Variants in GALNTL6 observed in about 807,000 individuals in gnomAD.
GALNTL6 encodes the protein polypeptide N-acetylgalactosaminyltransferase like 6, also known as polypeptide N-acetylgalactosaminyltransferase-like 6.
Under a neutral mutation model 73.7 loss-of-function variants are expected in GALNTL6, and 46 were observed. The observed-to-expected ratio is 0.62, with a 90% confidence interval of 0.49 to 0.80. The LOEUF is 0.80. Among genes scored for constraint, GALNTL6 ranks in the 30% least tolerant of loss-of-function variants. The probability of loss-of-function intolerance (pLI) is 0.00; values close to 1 mark genes in which losing one functional copy is unlikely to be tolerated. For missense variants in GALNTL6, 604 were observed against 755.0 expected (o/e 0.80, Z 2.34); for synonymous variants, 259 against 263.7 (o/e 0.98, Z 0.17).
At chr4:172,877,496 A>G (rs1745249684) in intron 7 of GALNTL6, among the ~76,000 whole-genome samples, 1 of 152,046 alleles carries the variant, frequency 6.6e-6, no homozygotes, top group South Asian at 2.1e-4. Flanking sequence ...AAACATAAAG[A>G]ATGTTTTCCT....
intron 5 of GALNTL6, among the ~76,000 whole-genome samples, chr4:172,578,389 A>G (rs766188787): frequency 2.6e-5 from 4 of 152,214 alleles, no homozygotes; most frequent in Non-Finnish European, 4.4e-5. Context: ...TTTGTCTTCA[A>G]AGTCAGCTTA....
chr4:171,852,397 T>TA (rs1317404216), intron 2 of GALNTL6, among the ~76,000 whole-genome samples: 1 of 152,136 alleles, frequency 6.6e-6, no homozygotes, highest in African/African-American at 2.4e-5. Flanking sequence ...GTGCATTGCT[T>TA]AAAGAAACTT....
At chr4:172,759,197 G>C (rs1290096979) in intron 5 of GALNTL6, among the ~76,000 whole-genome samples, 2 of 152,194 alleles carry the variant, frequency 1.3e-5, no homozygotes, top group Non-Finnish European at 2.9e-5. Flanking sequence ...CCCTAGCCTA[G>C]ATTCACTCAG....
At chr4:172,224,732 G>A (rs913196071) in intron 2 of GALNTL6, among the ~76,000 whole-genome samples, 1 of 152,148 alleles carries the variant, frequency 6.6e-6, no homozygotes, top group Non-Finnish European at 1.5e-5. Context: ...TGTGAAGACT[G>A]TGTATCACAT....
intron 5 of GALNTL6, among the ~76,000 whole-genome samples, chr4:172,754,032 A>G (rs1045769147): frequency 1.3e-5 from 2 of 152,190 alleles, no homozygotes; most frequent in Non-Finnish European, 2.9e-5. Flanking sequence ...TACACAAAAG[A>G]AGGAGGAAAA....
chr4:172,356,473 C>A (rs1419819516), intron 5 of GALNTL6, among the ~76,000 whole-genome samples: 1 of 152,084 alleles, frequency 6.6e-6, no homozygotes, highest in Non-Finnish European at 1.5e-5. Context: ...AAAAAGAAAA[C>A]TTCACAAACA....
intron 5 of GALNTL6, among the ~76,000 whole-genome samples, chr4:172,729,778 G>A (rs1736040565): frequency 6.6e-6 from 1 of 152,088 alleles, no homozygotes; most frequent in Admixed American, 6.6e-5. Context: ...AATGTCATTG[G>A]TATTTTGATA....
At chr4:172,108,343 T>C (rs1251525551) in intron 2 of GALNTL6, among the ~76,000 whole-genome samples, 1 of 152,202 alleles carries the variant, frequency 6.6e-6, no homozygotes, top group African/African-American at 2.4e-5. Flanking sequence ...AGAGATTTAC[T>C]ATAAAGAGTT....
intron 7 of GALNTL6, among the ~76,000 whole-genome samples, chr4:172,882,037 TAAAC>T (rs569607227): frequency 1.5e-3 from 221 of 150,792 alleles, no homozygotes; most frequent in Non-Finnish European, 2.0e-3. Flanking sequence ...AAAAAAAAAA[TAAAC>T]AAGAGCACCT....
intron 2 of GALNTL6, among the ~76,000 whole-genome samples, chr4:172,115,832 G>A (rs969443852): frequency 6.6e-6 from 1 of 151,918 alleles, no homozygotes; most frequent in African/African-American, 2.4e-5. Context: ...GAATAATAAT[G>A]TCTTATAAGG....
Position 172,906,491 on chromosome 4 carries a change from C to T in GALNTL6, c.1041+23584C>T, listed in dbSNP as rs73870312. 3.8e-3 allele frequency among the ~76,000 whole-genome samples: 573 copies of T among 152,254 alleles called. 4 individuals carry two copies. The highest frequency in any genetic ancestry group is 0.013 in the African/African-American group (551 of 41,552). ...GTGGCTTCAAACAATACAAAATAAT[C>T]TTACAGTCCTTGGGTCAGAACTCCA... On this transcript the variant is annotated intron_variant, in intron 8 of 12. Coordinates refer to ENST00000506823, the MANE Select transcript of GALNTL6 (RefSeq NM_001034845.3).
At chr4:172,970,730 T>A (rs1039149649) in intron 10 of GALNTL6, among the ~76,000 whole-genome samples, 1 of 152,156 alleles carries the variant, frequency 6.6e-6, no homozygotes, top group African/African-American at 2.4e-5. Flanking sequence ...TGACGTACAT[T>A]CTCAGCTTAC....
intron 12 of GALNTL6, among the ~76,000 whole-genome samples, chr4:173,038,494 G>A (rs1353584196): frequency 6.6e-6 from 1 of 152,182 alleles, no homozygotes; most frequent in Non-Finnish European, 1.5e-5. Context: ...GACACGGGTG[G>A]AATTAATGAA....
intron 2 of GALNTL6, among the ~76,000 whole-genome samples, chr4:172,135,936 T>A (rs927152501): frequency 6.6e-6 from 1 of 152,114 alleles, no homozygotes; most frequent in Non-Finnish European, 1.5e-5. Context: ...TCTTTAAAAA[T>A]TTTTAAAAGA....
intron 5 of GALNTL6, among the ~76,000 whole-genome samples, chr4:172,597,594 AT>A (rs1375706981): frequency 1.3e-5 from 2 of 152,144 alleles, no homozygotes; most frequent in Non-Finnish European, 2.9e-5. Flanking sequence ...AAGAAGTGAA[AT>A]TCTAGTCAGG....
chr4:172,302,847 CTGTT>C (rs753664042), intron 3 of GALNTL6, among the ~76,000 whole-genome samples: 1 of 151,324 alleles, frequency 6.6e-6, no homozygotes, highest in African/African-American at 2.4e-5. Flanking sequence ...TTAAGTTTGG[CTGTT>C]TGTTTTCTAT....
chr4:172,688,726 G>T (rs1364780460), intron 5 of GALNTL6, among the ~76,000 whole-genome samples: 2 of 152,170 alleles, frequency 1.3e-5, no homozygotes, highest in African/African-American at 4.8e-5. Flanking sequence ...CTATGGAAAT[G>T]GCTCTCCCCA....
At chr4:171,955,242 G>A (rs752740151) in intron 2 of GALNTL6, among the ~76,000 whole-genome samples, 3 of 151,966 alleles carry the variant, frequency 2.0e-5, no homozygotes, top group Non-Finnish European at 4.4e-5. Flanking sequence ...ACTTTCTTTG[G>A]TCTCTAATTC....
At chr4:171,821,663 A>G (rs1034029023) in intron 2 of GALNTL6, among the ~76,000 whole-genome samples, 4 of 127,148 alleles carry the variant, frequency 3.1e-5, no homozygotes, top group African/African-American at 1.1e-4. Context: ...ATATATATAT[A>G]TATAGTTATT....
Sources: gnomAD v4.1 joint callset for allele counts (sites outside exome capture counted in the v4.1 genomes callset) on GRCh38, gnomAD v4.1.1 for gene constraint, MANE v1.5 for transcripts, NCBI Gene and HGNC (gene_info 2026-07-23, HGNC 2026-07-21) for gene names.